The following SLC44A2 variants were observed in gnomAD, a reference collection of about 807,000 sequenced individuals.
The protein encoded by SLC44A2 is solute carrier family 44 member 2 (CTL2 blood group), also known as choline transporter-like protein 2.
SLC44A2 carries 57 observed loss-of-function variants against 90.8 expected under a neutral mutation model. The observed-to-expected ratio is 0.63, with a 90% CI of 0.51 to 0.78. The LOEUF is 0.78. Ranked by LOEUF, SLC44A2 falls within the 30% of genes least tolerant of loss-of-function variation. SLC44A2 has a pLI of 0.00. For missense variants in SLC44A2, 794 were observed against 919.7 expected (o/e 0.86, Z 1.77); for synonymous variants, 355 against 360.7 (o/e 0.98, Z 0.18).
At chr19:10,607,172 C>T (rs1918134484) in intron 1 of SLC44A2, among the ~76,000 whole-genome samples, 1 of 152,062 alleles carries the variant, frequency 6.6e-6, no homozygotes, top group Admixed American at 6.6e-5. Context: ...CTTGGCCTCC[C>T]AAAGTGCTGA....
chr19:10,626,383 T>G (rs2066934104), intron 2 of SLC44A2, 82 bp downstream of exon 2: 1 of 1,022,546 alleles, frequency 9.8e-7, no homozygotes, highest in Non-Finnish European at 1.5e-6. Context: ...CCATCTGTTC[T>G]CCAACAAACT....
intron 10 of SLC44A2, 97 bp downstream of exon 10, chr19:10,632,253 C>G: frequency 8.6e-7 from 1 of 1,161,608 alleles, no homozygotes; most frequent in South Asian, 1.3e-5. Flanking sequence ...AAAAAAAAGT[C>G]AGGCCGGGCG....
At chr19:10,621,211 G>A (rs1230423760), upstream of SLC44A2, among the ~76,000 whole-genome samples, 1 of 151,922 alleles carries the variant, frequency 6.6e-6, no homozygotes, top group Non-Finnish European at 1.5e-5. Flanking sequence ...AATCAGCCAG[G>A]CACGTTGGTG....
chr19:10,639,586 G>A (rs1376454437), intron 20 of SLC44A2, among the ~76,000 whole-genome samples: 1 of 151,940 alleles, frequency 6.6e-6, no homozygotes, highest in Admixed American at 6.6e-5. Context: ...GAGTAAAGAA[G>A]TGGAGATAAG....
intron 1 of SLC44A2, among the ~76,000 whole-genome samples, chr19:10,607,149 G>C (rs916931107): frequency 2.6e-5 from 4 of 152,046 alleles, no homozygotes; most frequent in Admixed American, 6.6e-5. Flanking sequence ...TCCTGACCTT[G>C]TGATCAGCCT....
chr19:10,643,655 C>T lies in SLC44A2; in HGVS notation c.*270C>T, dbSNP rs1325130508. On this transcript the variant is annotated 3_prime_UTR_variant, in exon 22 of 22. Coordinates refer to ENST00000335757, the MANE Select transcript of SLC44A2 (RefSeq NM_020428.4). ...GGGCCTCTTGATGTCTGGGATGGCA[C>T]GTGGCCCGACCTCCACAAGCTCCCT... The T allele has an allele frequency of 1.3e-5, 4 of 303,828 alleles. No homozygotes were observed. Among genetic ancestry groups the T allele is most frequent in the African/African-American group, 8.8e-5 (4 of 45,678 alleles). The allele number at this position is 303,828 out of a possible 1,614,324, so 18.8% of individuals were successfully genotyped here. A position where few individuals can be genotyped will look rare whatever the true frequency, so the allele number is the denominator to read the frequency against.
Position 10,636,741 on chromosome 19 carries a change from G to A in SLC44A2, c.1576G>A (p.Asp526Asn). ...QIIRVILEYL[D>N]QRLKAAENKF... ...CATCCGTGTGATACTCGAGTACCTGGATCAGCGGCTGAAAGGTACGTCCCA... is the reference window on the plus strand; with the variant it reads ...CATCCGTGTGATACTCGAGTACCTGAATCAGCGGCTGAAAGGTACGTCCCA... Residue 526 changes from aspartate to asparagine, a missense_variant, in exon 16 of 22, where the codon GAT becomes AAT. Physicochemically the swap from Asp to Asn is conservative, Grantham distance 23. Around this residue, in one of 3 missense-constraint regions of SLC44A2, gnomAD observed 738 missense variants for 841.1 expected, o/e 0.88. Transcript: ENST00000335757. The A allele has an allele frequency of 6.2e-7, 1 of 1,613,826 alleles. No homozygotes were observed. Among genetic ancestry groups the A allele is most frequent in the Non-Finnish European group, 8.5e-7 (1 of 1,179,860 alleles).
intron 20 of SLC44A2, among the ~76,000 whole-genome samples, chr19:10,639,087 CCA>C (rs755396776): frequency 5.9e-5 from 9 of 152,196 alleles, no homozygotes; most frequent in Non-Finnish European, 1.3e-4. Context: ...GCGTGAACCA[CCA>C]CACCTGGCTA....
Position 10,638,083 on chromosome 19 carries a change from T to G in SLC44A2, c.1830T>G (p.Val610=). The G allele has an allele frequency of 6.2e-7, 1 of 1,613,916 alleles. No individual in the cohort carries two copies. The highest frequency in any genetic ancestry group is 1.3e-5 in the African/African-American group (1 of 74,942). The change falls in exon 19 of 22, where the codon GTT becomes GTG. Residue 610 remains valine (V), a synonymous_variant. Coordinates refer to ENST00000335757, the MANE Select transcript of SLC44A2 (RefSeq NM_020428.4). The part of the protein sequence containing the change: ...FLFLLGKLLI[V]GSVGILAFFF... The stretch of plus-strand genomic sequence containing the variant: ...TCCTGTTGGGCAAACTTCTGATCGT[T>G]GGTAGTGTGGGTGAGTGCCGCCCAC...
intron 1 of SLC44A2, among the ~76,000 whole-genome samples, chr19:10,619,624 C>T (rs2066882624): frequency 6.6e-6 from 1 of 151,926 alleles, no homozygotes. Flanking sequence ...AGGCGTCAGC[C>T]ACTACGCCTG....
chr19:10,612,090 G>A (rs912263180), intron 1 of SLC44A2, among the ~76,000 whole-genome samples: 1 of 152,062 alleles, frequency 6.6e-6, no homozygotes, highest in Non-Finnish European at 1.5e-5. Context: ...AGGCTGAGCC[G>A]GGTGTGGTGG....
chr19:10,617,562 A>G (rs916344706), intron 1 of SLC44A2, among the ~76,000 whole-genome samples: 5 of 151,956 alleles, frequency 3.3e-5, no homozygotes, highest in Admixed American at 6.6e-5. Context: ...AGGCTCCCCA[A>G]TCTTTTCCTG....
Position 10,642,356 on chromosome 19 carries a change from T to C in SLC44A2, c.1930-11T>C, listed in dbSNP as rs770558951. The C allele has an allele frequency of 2.5e-5, 41 of 1,613,642 alleles. No individual in the cohort carries two copies. Among genetic ancestry groups the C allele is most frequent in the Admixed American group, 3.3e-5 (2 of 59,978 alleles). ...ACACGGAGCAGGGACAGCTCGTTTCTCCTTGCCCAGACGGTGATCGTTGGC... is the reference window on the plus strand; with the variant it reads ...ACACGGAGCAGGGACAGCTCGTTTCCCCTTGCCCAGACGGTGATCGTTGGC... On this transcript the variant is annotated splice_polypyrimidine_tract_variant and intron_variant, in intron 20 of 21. Coordinates refer to ENST00000335757, the MANE Select transcript of SLC44A2 (RefSeq NM_020428.4).
rs750576919 is a variant in SLC44A2, at chr19:10,638,291, C to T, written c.1905C>T (p.Leu635=). 5 of 1,613,982 alleles carry T rather than the reference C, an allele frequency of 3.1e-6. No individual in the cohort carries two copies. The highest frequency in any genetic ancestry group is 1.7e-5 in the Admixed American group (1 of 59,978). The change falls in exon 20 of 22, where the codon CTC becomes CTT. Residue 635 remains leucine (L), a synonymous_variant. Coordinates refer to ENST00000335757, the MANE Select transcript of SLC44A2 (RefSeq NM_020428.4). The part of the protein sequence containing the change: ...IRIVQDTAPP[L]NYYWVPILTV... ...TCGTGCAGGATACAGCACCACCCCT[C>T]AATTATTACTGGGTTCCTATACTGG... is the stretch of plus-strand genomic sequence containing the variant.
intron 1 of SLC44A2, among the ~76,000 whole-genome samples, chr19:10,615,106 A>G (rs1420067141): frequency 6.6e-6 from 1 of 150,644 alleles, no homozygotes; most frequent in African/African-American, 2.4e-5. Flanking sequence ...AAATACATTT[A>G]TTATTTATTA....
chr19:10,615,976 A>T (rs575406058), intron 1 of SLC44A2, among the ~76,000 whole-genome samples: 2 of 152,198 alleles, frequency 1.3e-5, no homozygotes, highest in African/African-American at 4.8e-5. Context: ...AGCCTGGGCA[A>T]CATAGCGAAA....
At chr19:10,632,518 A>G (rs1170400252) in intron 10 of SLC44A2, among the ~76,000 whole-genome samples, 4 of 149,776 alleles carry the variant, frequency 2.7e-5, no homozygotes, top group East Asian at 4.0e-4. Context: ...CCTGGGCAAC[A>G]AGAGCGAAAC....
At chr19:10,639,741 C>T (rs1422778708) in intron 20 of SLC44A2, among the ~76,000 whole-genome samples, 1 of 152,042 alleles carries the variant, frequency 6.6e-6, no homozygotes, top group Non-Finnish European at 1.5e-5. Context: ...ATTAGCGGGG[C>T]GTGGTTGTGG....
At chr19:10,616,774 G>C (rs1166284866) in intron 1 of SLC44A2, among the ~76,000 whole-genome samples, 1 of 151,958 alleles carries the variant, frequency 6.6e-6, no homozygotes, top group African/African-American at 2.4e-5. Flanking sequence ...ACTGGGTCTT[G>C]CTCTGTTGCC....
Sources: gnomAD v4.1 joint callset for allele counts (sites outside exome capture counted in the v4.1 genomes callset) on GRCh38, gnomAD v4.1.1 for gene constraint, gnomAD v4.1.1 regional missense constraint, MANE v1.5 for transcripts, NCBI Gene and HGNC (gene_info 2026-07-23, HGNC 2026-07-21) for gene names.